Variants in ZNF609 observed in about 807,000 individuals in gnomAD.
ZNF609 encodes the protein zinc finger protein 609.
A neutral mutation model predicts 109.5 loss-of-function variants in ZNF609; 11 were observed. That is an observed-to-expected ratio of 0.10 (90% CI 0.06 to 0.17). The LOEUF is 0.17. ZNF609 is among the 10% of genes least tolerant of loss of function. The probability of loss-of-function intolerance (pLI) is 1.00; values close to 1 mark genes in which losing one functional copy is unlikely to be tolerated. For missense variants in ZNF609, 1,559 were observed against 1,772.4 expected, an observed-to-expected ratio of 0.88 and a Z score of 2.16; for synonymous variants, 646 against 662.0, an observed-to-expected ratio of 0.98 and a Z score of 0.37.
At chr15:64,592,713 TCAAGAC>T (rs1234114893) in intron 2 of ZNF609, among the ~76,000 whole-genome samples, 1 of 150,286 alleles carries the variant, frequency 6.7e-6, no homozygotes, top group African/African-American at 2.5e-5. Flanking sequence ...GGTCAGGAGT[TCAAGAC>T]CAGACTGGCC....
At chr15:64,622,372 G>A (rs542955995) in intron 2 of ZNF609, among the ~76,000 whole-genome samples, 9 of 152,082 alleles carry the variant, frequency 5.9e-5, no homozygotes, top group South Asian at 2.1e-4. Context: ...CCAGACTAAT[G>A]TACTGTTTGC....
intron 1 of ZNF609, among the ~76,000 whole-genome samples, chr15:64,468,695 C>T (rs754407135): frequency 1.1e-4 from 17 of 152,088 alleles, no homozygotes; most frequent in Non-Finnish European, 2.4e-4. Flanking sequence ...GGACTACAGA[C>T]ATGAGCCACA....
At chr15:64,517,697 C>A (rs1052706428) in intron 2 of ZNF609, among the ~76,000 whole-genome samples, 8 of 151,530 alleles carry the variant, frequency 5.3e-5, no homozygotes, top group Admixed American at 4.6e-4. Context: ...TAGCAAGATC[C>A]CATCTAAAAA....
intron 1 of ZNF609, among the ~76,000 whole-genome samples, chr15:64,461,431 C>T (rs530693640): frequency 3.3e-5 from 5 of 151,812 alleles, no homozygotes; most frequent in Non-Finnish European, 7.4e-5. Flanking sequence ...TATCCTTGTA[C>T]CCCCGGGAGG....
intron 2 of ZNF609, among the ~76,000 whole-genome samples, chr15:64,567,620 A>G (rs1285610973): frequency 1.3e-5 from 2 of 152,160 alleles, no homozygotes; most frequent in African/African-American, 4.8e-5. Context: ...AATTATCTGT[A>G]TATTGTGGCA....
chr15:64,533,240 G>C (rs145223600), intron 2 of ZNF609, among the ~76,000 whole-genome samples: 145 of 152,172 alleles, frequency 9.5e-4, no homozygotes, highest in Non-Finnish European at 1.8e-3. Flanking sequence ...TAGTAGAGAT[G>C]GGGTTCCATC....
chr15:64,530,451 A>G (rs957639891), intron 2 of ZNF609, among the ~76,000 whole-genome samples: 1 of 152,230 alleles, frequency 6.6e-6, no homozygotes, highest in South Asian at 2.1e-4. Flanking sequence ...AAAGGTTATA[A>G]TTATACTATC....
chr15:64,520,937 G>A (rs964028970), intron 2 of ZNF609, among the ~76,000 whole-genome samples: 7 of 152,124 alleles, frequency 4.6e-5, no homozygotes, highest in South Asian at 2.1e-4. Flanking sequence ...CCTGATTTTC[G>A]TCACTTCAGC....
At chr15:64,474,147 A>G (rs952362916) in intron 1 of ZNF609, among the ~76,000 whole-genome samples, 3 of 151,458 alleles carry the variant, frequency 2.0e-5, no homozygotes, top group Admixed American at 6.6e-5. Flanking sequence ...ACCTCAGGTG[A>G]TCCTCCCGCC....
At chr15:64,612,870 C>G (rs776565876) in intron 2 of ZNF609, among the ~76,000 whole-genome samples, 2 of 151,908 alleles carry the variant, frequency 1.3e-5, no homozygotes, top group Non-Finnish European at 2.9e-5. Context: ...CAAAAATTAG[C>G]CAGGTGTGGT....
chr15:64,568,899 A>G (rs1250544451), intron 2 of ZNF609, among the ~76,000 whole-genome samples: 1 of 152,210 alleles, frequency 6.6e-6, no homozygotes, highest in Admixed American at 6.5e-5. Flanking sequence ...ATTTTTAACT[A>G]AGTCCTAAAC....
chr15:64,494,185 C>G (rs16953520), intron 1 of ZNF609, among the ~76,000 whole-genome samples: 4,241 of 152,198 alleles, frequency 0.028, 77 homozygotes, highest in South Asian at 0.058. Flanking sequence ...GCATCCTGGT[C>G]ATTCAGAAAT....
chr15:64,496,272 G>A (rs1338546139), intron 1 of ZNF609, among the ~76,000 whole-genome samples: 2 of 152,200 alleles, frequency 1.3e-5, no homozygotes, highest in Admixed American at 6.5e-5. Context: ...CTCCTCCAGA[G>A]TCTCTCTTCC....
At chr15:64,666,521 T>C (rs1264717783) in intron 3 of ZNF609, among the ~76,000 whole-genome samples, 1 of 152,224 alleles carries the variant, frequency 6.6e-6, no homozygotes, top group African/African-American at 2.4e-5. Context: ...ATTTATTTTT[T>C]GAGATGAAGC....
Position 64,674,011 on chromosome 15 carries a change from C to T in ZNF609, c.1157C>T (p.Thr386Ile). 6.2e-7 allele frequency: 1 copy of T among 1,614,184 alleles called. No homozygotes were observed. Residue 386 changes from threonine to isoleucine, a missense_variant, in exon 5 of 10, where the codon ACA becomes ATA. Thr to Ile is a moderately conservative substitution (Grantham distance 89). Coordinates refer to ENST00000326648, the MANE Select transcript of ZNF609 (RefSeq NM_015042.2). ...AACAGTAATACACCTGTCAATGAGACAGCCACAGCCTCTGACAGCAAAGGG... is the reference window on the plus strand; with the variant it reads ...AACAGTAATACACCTGTCAATGAGATAGCCACAGCCTCTGACAGCAAAGGG... ...RPNSNTPVNE[T>I]ATASDSKGTS...
chr15:64,468,241 C>CTCCTT (rs140952245), intron 1 of ZNF609, among the ~76,000 whole-genome samples: 29 of 149,444 alleles, frequency 1.9e-4, no homozygotes, highest in South Asian at 6.4e-4. Flanking sequence ...TCCTTCCTTC[C>CTCCTT]TCCTTTCCTT....
Position 64,491,521 on chromosome 15 carries a change from G to A in ZNF609, c.-127-7772G>A, listed in dbSNP as rs188351670. Among the ~76,000 whole-genome samples the A allele has an allele frequency of 6.1e-3, 936 of 152,274 alleles. 8 individuals are homozygous for A. Among genetic ancestry groups the A allele is most frequent in the Non-Finnish European group, 9.6e-3 (652 of 68,016 alleles). On this transcript the variant is annotated intron_variant, in intron 1 of 9. Transcript: ENST00000326648. ...GTGGGATCAACAACCTTGTGGGTTA[G>A]AACAACTGGCAAAAGAGGTAGTACA... is the stretch of plus-strand genomic sequence containing the variant.
chr15:64,525,871 C>G (rs1301608092), intron 2 of ZNF609, among the ~76,000 whole-genome samples: 2 of 151,844 alleles, frequency 1.3e-5, no homozygotes, highest in Non-Finnish European at 2.9e-5. Flanking sequence ...TCACTGCAAC[C>G]TCCACCCACC....
At chr15:64,478,429 G>T (rs1400222178) in intron 1 of ZNF609, among the ~76,000 whole-genome samples, 1 of 151,936 alleles carries the variant, frequency 6.6e-6, no homozygotes, top group Non-Finnish European at 1.5e-5. Flanking sequence ...GTGGTGCATT[G>T]TTGCGATCTC....
Sources: allele counts gnomAD v4.1 joint callset (sites outside exome capture counted in the v4.1 genomes callset), GRCh38; gene constraint gnomAD v4.1.1; transcripts MANE v1.5; gene names NCBI Gene and HGNC (gene_info 2026-07-23, HGNC 2026-07-21).